Variants in THOC2 observed in about 807,000 individuals in gnomAD.
THOC2 encodes THO complex 2.
THOC2 carries 10 observed loss-of-function variants against 128.4 expected under a neutral mutation model. That is an observed-to-expected ratio of 0.08 (90% CI 0.05 to 0.13). THOC2 has a LOEUF of 0.13. Among genes scored for constraint, THOC2 ranks in the 10% least tolerant of loss-of-function variants. THOC2 has a pLI of 1.00. For missense variants in THOC2, 535 were observed against 1,155.7 expected (o/e 0.46, Z 7.79); for synonymous variants, 393 against 396.9 (o/e 0.99, Z 0.12).
At chrX:123,652,404 T>A (rs2048396533) in intron 12 of THOC2, among the ~76,000 whole-genome samples, 1 of 111,786 alleles carries the variant, frequency 8.9e-6, no homozygotes, top group Non-Finnish European at 1.9e-5. Flanking sequence ...CCATTCCTAT[T>A]CAACATAGTA....
intron 3 of THOC2, among the ~76,000 whole-genome samples, chrX:123,705,845 T>G (rs1342523722): frequency 9.0e-6 from 1 of 111,628 alleles, no homozygotes; most frequent in Non-Finnish European, 1.9e-5. Context: ...TAATAAAACC[T>G]ATTATAAAAG....
intron 34 of THOC2, 63 bp from the exon 35 acceptor site, chrX:123,613,771 T>G: frequency 9.5e-7 from 1 of 1,050,371 alleles, no homozygotes; most frequent in Non-Finnish European, 1.3e-6. Context: ...AAAGTATTAC[T>G]TTTATATGAG....
intron 22 of THOC2, among the ~76,000 whole-genome samples, chrX:123,629,399 C>T (rs1196409845): frequency 9.1e-6 from 1 of 110,400 alleles, no homozygotes; most frequent in African/African-American, 3.3e-5. Context: ...TACTTCCTTA[C>T]GTTAGAAAAT....
In THOC2 at chrX:123,671,693, A is replaced by G. The variant is rs1413249298; in HGVS notation, c.837T>C (p.Ile279=). 3 of 1,169,506 alleles carry G rather than the reference A, an allele frequency of 2.6e-6. No homozygotes were observed. The highest frequency in any genetic ancestry group is 2.3e-6 in the Non-Finnish European group (2 of 866,904). The change falls in exon 9 of 39, where the codon ATT becomes ATC. Residue 279 remains isoleucine, a synonymous_variant. Coordinates refer to ENST00000245838, the MANE Select transcript of THOC2 (RefSeq NM_001081550.2). ...VAAVLLQFNL[I]DLDDLYVHLL... ...CATGTACATAAAGATCATCTAAATCAATAAGATTAAATTGTAGAAGTACTG... is the reference window on the plus strand; with the variant it reads ...CATGTACATAAAGATCATCTAAATCGATAAGATTAAATTGTAGAAGTACTG...
At position 123,620,944 on chromosome X, in the gene THOC2, T is replaced by C; in HGVS notation, c.4238A>G (p.Asp1413Gly). ...GGAATGTGATGGAGAAGGGTGAGTA[T>C]CAATTTTGCGGCGTTTTTGTTCTGT... is the stretch of plus-strand genomic sequence containing the variant. Reference protein sequence around the residue: ...PEREQKRRKIDTHPSPSHSST... With the variant: ...PEREQKRRKIGTHPSPSHSST... Residue 1413 changes from aspartate (D) to glycine (G), a missense_variant, in exon 32 of 39, where the codon GAT becomes GGT. Asp to Gly is a moderately conservative substitution (Grantham distance 94, BLOSUM62 -1). Around this residue, in one of 9 missense-constraint regions of THOC2, gnomAD observed 116 missense variants for 180.0 expected, o/e 0.64. Coordinates refer to ENST00000245838, the MANE Select transcript of THOC2 (RefSeq NM_001081550.2). 8.3e-7 allele frequency: 1 copy of C among 1,210,514 alleles called. No homozygotes were observed. Among genetic ancestry groups the C allele is most frequent in the Non-Finnish European group, 1.1e-6 (1 of 895,055 alleles).
At chrX:123,667,482 T>C (rs1320663373) in intron 10 of THOC2, among the ~76,000 whole-genome samples, 1 of 111,671 alleles carries the variant, frequency 9.0e-6, no homozygotes, top group Non-Finnish European at 1.9e-5. Flanking sequence ...CTCACACCTA[T>C]AGTCCAGGAA....
intron 1 of THOC2, among the ~76,000 whole-genome samples, chrX:123,716,602 G>A (rs2051425230): frequency 1.8e-5 from 2 of 109,683 alleles, no homozygotes; most frequent in Non-Finnish European, 3.8e-5. Context: ...GGTGGCAGGC[G>A]CGTGTAGACC....
At chrX:123,624,461 T>C in intron 26 of THOC2, 80 bp downstream of exon 26, 1 of 1,029,048 alleles carries the variant, frequency 9.7e-7, no homozygotes, top group Non-Finnish European at 1.3e-6. Flanking sequence ...AGCTTCTCTT[T>C]TAAAACTCAA....
At chrX:123,611,664 T>C (rs2046704115) in intron 36 of THOC2, 148 bp from the exon 37 acceptor site, 2 of 397,169 alleles carry the variant, frequency 5.0e-6, no homozygotes, top group Admixed American at 4.7e-5. Flanking sequence ...AGGAAAAAAA[T>C]AGATACATTG....
intron 18 of THOC2, among the ~76,000 whole-genome samples, chrX:123,637,808 C>T (rs1386711656): frequency 9.0e-6 from 1 of 111,175 alleles, no homozygotes; most frequent in Non-Finnish European, 1.9e-5. Context: ...CCCAGTAATG[C>T]TTACCCAAAT....
chrX:123,605,991 T>C (rs978781888), intron 38 of THOC2, among the ~76,000 whole-genome samples: 8 of 111,568 alleles, frequency 7.2e-5, no homozygotes, highest in African/African-American at 2.6e-4. Context: ...CAAGTCTAGC[T>C]GAAATCAGGA....
Position 123,644,667 on chromosome X carries a change from C to G in THOC2, c.1569G>C (p.Leu523=), listed in dbSNP as rs754441574. 5.0e-6 allele frequency: 6 copies of G among 1,193,934 alleles called. No individual in the cohort carries two copies. The highest frequency in any genetic ancestry group is 1.9e-5 in the South Asian group (1 of 53,779). ...KTFPYQHRYR[L]YGQWKNETYN... ...AAGTTTCATTCTTCCACTGGCCATA[C>G]AGACGATATCTTAAAAAACGATGAG... Residue 523 remains leucine, a synonymous_variant, in exon 15 of 39, where the codon CTG becomes CTC. Coordinates refer to ENST00000245838, the MANE Select transcript of THOC2 (RefSeq NM_001081550.2).
intron 8 of THOC2, among the ~76,000 whole-genome samples, chrX:123,684,024 G>A (rs1412735481): frequency 9.2e-6 from 1 of 109,107 alleles, no homozygotes; most frequent in Non-Finnish European, 1.9e-5. Flanking sequence ...TCTTATATAA[G>A]AAAAATGGTC....
At chrX:123,616,418 A>G (rs1417735385) in intron 33 of THOC2, among the ~76,000 whole-genome samples, 1 of 111,133 alleles carries the variant, frequency 9.0e-6, no homozygotes, top group African/African-American at 3.3e-5. Context: ...ATTGGCTTTT[A>G]TTCTTGACAT....
intron 16 of THOC2, 45 bp from the exon 17 acceptor site, chrX:123,639,072 G>T (rs1357474286): frequency 4.5e-6 from 3 of 665,001 alleles, no homozygotes; most frequent in South Asian, 3.4e-5. Flanking sequence ...CTGATCAAAG[G>T]ATTTCTACTG....
At chrX:123,717,433 T>C (rs2051474600) in intron 1 of THOC2, among the ~76,000 whole-genome samples, 1 of 110,319 alleles carries the variant, frequency 9.1e-6, no homozygotes, top group African/African-American at 3.3e-5. Context: ...AAAAATATAA[T>C]AGCTACAAAA....
Position 123,686,646 on chromosome X carries a change from G to T in THOC2, c.670C>A (p.His224Asn). The change falls in exon 8 of 39, where the codon CAC becomes AAC. Residue 224 changes from histidine to asparagine, a missense_variant. His to Asn is a moderately conservative substitution (Grantham distance 68). Coordinates refer to ENST00000245838, the MANE Select transcript of THOC2 (RefSeq NM_001081550.2). ...ILEVFECRPE[H>N]DDFFISLLES... Reference sequence around the variant, plus strand: ...AACAAAGATATAAAGAAGTCATCGTGTTCTGGCCTGCATTCAAACACTTCT... The same window carrying T: ...AACAAAGATATAAAGAAGTCATCGTTTTCTGGCCTGCATTCAAACACTTCT... 1 of 1,206,894 alleles carries T rather than the reference G, an allele frequency of 8.3e-7. No homozygotes were observed. Among genetic ancestry groups the T allele is most frequent in the Non-Finnish European group, 1.1e-6 (1 of 892,530 alleles).
chrX:123,701,080 C>T (rs1316150488), intron 4 of THOC2, among the ~76,000 whole-genome samples: 1 of 110,548 alleles, frequency 9.0e-6, no homozygotes, highest in African/African-American at 3.3e-5. Context: ...AGGCCGGGCA[C>T]GGTAGCTCAC....
chrX:123,625,813 G>C, intron 25 of THOC2, 99 bp downstream of exon 25: 1 of 915,622 alleles, frequency 1.1e-6, no homozygotes, highest in Non-Finnish European at 1.5e-6. Context: ...TGGTTCTTGA[G>C]TTCATGCTTT....
Sources: gnomAD v4.1 joint callset for allele counts (sites outside exome capture counted in the v4.1 genomes callset) on GRCh38, gnomAD v4.1.1 for gene constraint, gnomAD v4.1.1 regional missense constraint, MANE v1.5 for transcripts, NCBI Gene and HGNC (gene_info 2026-07-23, HGNC 2026-07-21) for gene names.